Variants in PLPPR5 observed in about 807,000 individuals in gnomAD.
PLPPR5 encodes the protein phospholipid phosphatase related 5, also known as phospholipid phosphatase-related protein type 5.
Under a neutral mutation model 33.9 loss-of-function variants are expected in PLPPR5, and 16 were observed. The observed-to-expected ratio is 0.47, with a 90% confidence interval of 0.32 to 0.72. The LOEUF is 0.72. Ranked by LOEUF, PLPPR5 falls within the 30% of genes least tolerant of loss-of-function variation. The pLI is 0.03. For missense variants in PLPPR5, 301 were observed against 406.7 expected, an observed-to-expected ratio of 0.74 and a Z score of 2.23; for synonymous variants, 163 against 150.3, an observed-to-expected ratio of 1.08 and a Z score of -0.62.
chr1:98,948,731 A>T (rs954440093), intron 3 of PLPPR5, among the ~76,000 whole-genome samples: 16 of 152,128 alleles, frequency 1.1e-4, no homozygotes, highest in African/African-American at 3.9e-4. Context: ...AGAGAGGCCC[A>T]GCTATTTGTG....
chr1:98,956,161 C>T (rs150638377), intron 2 of PLPPR5, among the ~76,000 whole-genome samples: 376 of 152,228 alleles, frequency 2.5e-3, no homozygotes, highest in African/African-American at 8.8e-3. Flanking sequence ...TCACCACCCT[C>T]CCACTAAGTA....
chr1:98,902,692 T>A (rs1375144624), intron 5 of PLPPR5, among the ~76,000 whole-genome samples: 1 of 152,112 alleles, frequency 6.6e-6, no homozygotes, highest in East Asian at 1.9e-4. Flanking sequence ...AAGAGGGAGA[T>A]GAACGGCTGG....
rs1648527503 is a variant in PLPPR5, at chr1:98,897,627, G to C, written c.934-4523C>G. On this transcript the variant is annotated intron_variant, in intron 5 of 5. Coordinates refer to ENST00000263177, the MANE Select transcript of PLPPR5 (RefSeq NM_001037317.2). ...TTAACCTAAACATAAAATGGGATCT[G>C]TGCACCTGTCTTTCATGCAATGATT... Among the ~76,000 whole-genome samples the C allele has an allele frequency of 2.6e-5, 4 of 152,114 alleles. No individual in the cohort carries two copies. The South Asian group carries it at 8.3e-4, about 31-fold the overall frequency.
chr1:98,893,744 A>G (rs565493231), intron 5 of PLPPR5, among the ~76,000 whole-genome samples: 111 of 151,620 alleles, frequency 7.3e-4, no homozygotes, highest in African/African-American at 2.7e-3. Flanking sequence ...AAATACTGCA[A>G]TGAAAAACTA....
At position 98,953,097 on chromosome 1, in the gene PLPPR5, G is replaced by A; in HGVS notation, c.594C>T (p.Leu198=). The part of the protein sequence containing the change: ...RKTFPSKEAA[L]SVYAAMYLTM... ...TCAGATACATAGCTGCATAGACACT[G>A]AGAGCTGCTTCTTTGGATGGAAAGG... The change falls in exon 3 of 6, where the codon CTC becomes CTT. Residue 198 remains leucine, a synonymous_variant. Transcript: ENST00000263177. The A allele has an allele frequency of 6.2e-7, 1 of 1,614,076 alleles. No individual in the cohort carries two copies. Among genetic ancestry groups the A allele is most frequent in the Non-Finnish European group, 8.5e-7 (1 of 1,180,000 alleles).
intron 4 of PLPPR5, among the ~76,000 whole-genome samples, chr1:98,917,835 A>G (rs1477947534): frequency 6.6e-6 from 1 of 152,228 alleles, no homozygotes; most frequent in Non-Finnish European, 1.5e-5. Context: ...AGTTCCACAA[A>G]TGCAAAGATG....
intron 1 of PLPPR5, among the ~76,000 whole-genome samples, chr1:98,961,516 A>AC (rs1651249052): frequency 3.9e-5 from 6 of 152,222 alleles, no homozygotes; most frequent in Non-Finnish European, 8.8e-5. Flanking sequence ...AGCATCATTA[A>AC]CAATAGCAAT....
In PLPPR5 at chr1:99,000,750, T is replaced by C. The variant is rs562446318; in HGVS notation, c.237+3685A>G. Reference sequence around the variant, plus strand: ...GTATATACAGATGCATGGATATGCATATATACATACATATGTATAACTTCT... The same window carrying C: ...GTATATACAGATGCATGGATATGCACATATACATACATATGTATAACTTCT... On this transcript the variant is annotated intron_variant, in intron 1 of 5. Coordinates refer to ENST00000263177, the MANE Select transcript of PLPPR5 (RefSeq NM_001037317.2). Among the ~76,000 whole-genome samples, 6 of 152,320 alleles carry C rather than the reference T, an allele frequency of 3.9e-5. No homozygotes were observed. The South Asian group carries it at 1.2e-3, about 32-fold the overall frequency.
intron 5 of PLPPR5, among the ~76,000 whole-genome samples, chr1:98,907,480 C>G (rs986123536): frequency 1.3e-5 from 2 of 152,108 alleles, no homozygotes; most frequent in African/African-American, 2.4e-5. Flanking sequence ...AAGTGTGAGC[C>G]ACCGCACCCA....
At chr1:98,966,924 G>A (rs998234672) in intron 1 of PLPPR5, among the ~76,000 whole-genome samples, 1 of 152,136 alleles carries the variant, frequency 6.6e-6, no homozygotes, top group African/African-American at 2.4e-5. Context: ...TGACAGAAAT[G>A]CACATTCTCG....
At chr1:98,918,819 T>C (rs1042013725) in intron 4 of PLPPR5, among the ~76,000 whole-genome samples, 17 of 152,222 alleles carry the variant, frequency 1.1e-4, no homozygotes, top group African/African-American at 4.1e-4. Context: ...AAAAGAACTC[T>C]GGGAAGTAAA....
chr1:98,968,327 T>C (rs1363577614), intron 1 of PLPPR5, among the ~76,000 whole-genome samples: 1 of 152,090 alleles, frequency 6.6e-6, no homozygotes, highest in African/African-American at 2.4e-5. Flanking sequence ...AGCTTATAAT[T>C]AATAAAAAAT....
intron 5 of PLPPR5, among the ~76,000 whole-genome samples, chr1:98,895,608 C>A (rs1430764263): frequency 6.6e-6 from 1 of 151,994 alleles, no homozygotes; most frequent in African/African-American, 2.4e-5. Flanking sequence ...GCAAAAATAT[C>A]ACCAAGTTAA....
intron 4 of PLPPR5, 122 bp from the exon 5 acceptor site, chr1:98,915,042 G>A (rs556614572): frequency 5.9e-5 from 48 of 816,016 alleles, no homozygotes; most frequent in Admixed American, 4.8e-4. Context: ...AATGTTACAC[G>A]TATATGAATT....
intron 1 of PLPPR5, among the ~76,000 whole-genome samples, chr1:98,985,362 G>C (rs1434650474): frequency 6.6e-6 from 1 of 151,932 alleles, no homozygotes; most frequent in Admixed American, 6.6e-5. Context: ...ATAACATTGT[G>C]GTCATTGATT....
At chr1:98,910,393 T>C (rs1264228090) in intron 5 of PLPPR5, among the ~76,000 whole-genome samples, 1 of 152,210 alleles carries the variant, frequency 6.6e-6, no homozygotes, top group Non-Finnish European at 1.5e-5. Flanking sequence ...TTGACAGGCC[T>C]CTTGGAAATG....
chr1:98,919,335 G>T (rs1649467141), intron 4 of PLPPR5, among the ~76,000 whole-genome samples: 1 of 152,206 alleles, frequency 6.6e-6, no homozygotes, highest in African/African-American at 2.4e-5. Flanking sequence ...TAGGCATTGA[G>T]TCTGGGTGAC....
At chr1:98,997,125 A>G (rs1322496370) in intron 1 of PLPPR5, among the ~76,000 whole-genome samples, 3 of 152,210 alleles carry the variant, frequency 2.0e-5, no homozygotes, top group Non-Finnish European at 4.4e-5. Flanking sequence ...TGCATTATCA[A>G]TAAAAATTAT....
intron 3 of PLPPR5, among the ~76,000 whole-genome samples, chr1:98,946,597 T>C (rs1308469585): frequency 1.3e-5 from 2 of 152,172 alleles, no homozygotes; most frequent in Admixed American, 6.5e-5. Flanking sequence ...CATGTCCATC[T>C]CCAAGACTCA....
Sources: allele counts gnomAD v4.1 joint callset (sites outside exome capture counted in the v4.1 genomes callset), GRCh38; gene constraint gnomAD v4.1.1; transcripts MANE v1.5; gene names NCBI Gene and HGNC (gene_info 2026-07-23, HGNC 2026-07-21).